MIPOL1: variants seen among roughly 807,000 people sequenced by gnomAD.
The protein encoded by MIPOL1 is mirror-image polydactyly 1.
MIPOL1 carries 57 observed loss-of-function variants against 60.9 expected under a neutral mutation model. That is an observed-to-expected ratio of 0.94 (90% confidence interval 0.76 to 1.17). The LOEUF is 1.17. Ranked by LOEUF, MIPOL1 falls within the 50% of genes most tolerant of loss-of-function variation. The pLI, the probability that MIPOL1 is intolerant of heterozygous loss-of-function variation, is 0.00. For synonymous variants in MIPOL1, 179 were observed against 168.8 expected (o/e 1.06, Z -0.47); for missense variants, 551 against 511.6 (o/e 1.08, Z -0.74).
At position 37,379,368 on chromosome 14, in the gene MIPOL1, A is replaced by G. The variant is rs566802714; in HGVS notation, c.936+9744A>G. On this transcript the variant is annotated intron_variant, in intron 10 of 12. Coordinates refer to ENST00000684589, the MANE Select transcript of MIPOL1 (RefSeq NM_001388067.1). The stretch of plus-strand genomic sequence containing the variant: ...GCTAAAACTATAAAACTCCTAGAAG[A>G]AAAAACATAACTGCAAATTTTTGCG... Among the ~76,000 whole-genome samples the G allele has an allele frequency of 1.1e-4, 17 of 152,206 alleles. No homozygotes were observed. In the East Asian group the frequency reaches 3.1e-3, roughly 28 times the overall value.
intron 9 of MIPOL1, among the ~76,000 whole-genome samples, chr14:37,357,467 A>C (rs1447813801): frequency 6.6e-6 from 1 of 152,140 alleles, no homozygotes; most frequent in African/African-American, 2.4e-5. Context: ...GTGAGACAAT[A>C]ATCTAATTGT....
intron 7 of MIPOL1, among the ~76,000 whole-genome samples, chr14:37,292,315 A>T (rs1236400466): frequency 1.3e-5 from 2 of 151,854 alleles, no homozygotes; most frequent in African/African-American, 2.4e-5. Flanking sequence ...TTTTATTATG[A>T]ACTAGTTTCT....
intron 12 of MIPOL1, among the ~76,000 whole-genome samples, chr14:37,511,948 A>G (rs1474807821): frequency 6.6e-6 from 1 of 152,214 alleles, no homozygotes. Context: ...GTAAGAAAAG[A>G]TGTATCAACT....
intron 9 of MIPOL1, among the ~76,000 whole-genome samples, chr14:37,340,781 G>A (rs1250352513): frequency 5.3e-5 from 8 of 151,958 alleles, no homozygotes; most frequent in South Asian, 4.2e-4. Flanking sequence ...TAGCCTAAGT[G>A]TACAATTTTT....
intron 11 of MIPOL1, among the ~76,000 whole-genome samples, chr14:37,445,112 G>A (rs1474260492): frequency 1.3e-5 from 2 of 152,054 alleles, no homozygotes; most frequent in East Asian, 3.9e-4. Flanking sequence ...AGGGTATTCA[G>A]TTAGGAAAAA....
intron 11 of MIPOL1, among the ~76,000 whole-genome samples, chr14:37,473,120 G>C (rs1298422994): frequency 6.6e-6 from 1 of 151,998 alleles, no homozygotes; most frequent in Non-Finnish European, 1.5e-5. Flanking sequence ...TGATCGACTT[G>C]GTGCCTTTCT....
At chr14:37,405,744 A>G (rs1326741443) in intron 10 of MIPOL1, among the ~76,000 whole-genome samples, 2 of 151,952 alleles carry the variant, frequency 1.3e-5, no homozygotes, top group Admixed American at 6.6e-5. Flanking sequence ...AGTCTTTCAT[A>G]TAGCCTTGAT....
intron 9 of MIPOL1, among the ~76,000 whole-genome samples, chr14:37,335,847 C>G (rs1252870338): frequency 6.6e-6 from 1 of 152,078 alleles, no homozygotes; most frequent in Non-Finnish European, 1.5e-5. Context: ...TTCTCCCATT[C>G]CATGAATTGT....
intron 11 of MIPOL1, among the ~76,000 whole-genome samples, chr14:37,456,046 G>A (rs1041230165): frequency 5.9e-5 from 9 of 151,860 alleles, no homozygotes; most frequent in African/African-American, 1.5e-4. Flanking sequence ...TGCTGACAGC[G>A]TTATTGTAGA....
chr14:37,357,133 A>G (rs548191597), intron 9 of MIPOL1, among the ~76,000 whole-genome samples: 1 of 152,248 alleles, frequency 6.6e-6, no homozygotes, highest in South Asian at 2.1e-4. Flanking sequence ...CAGTAGTGGG[A>G]TTGCTGGATC....
intron 3 of MIPOL1, among the ~76,000 whole-genome samples, chr14:37,251,474 T>C (rs547753864): frequency 1.3e-5 from 2 of 151,644 alleles, no homozygotes; most frequent in Non-Finnish European, 2.9e-5. Context: ...GCAAAAAATG[T>C]GTTACCATCT....
At chr14:37,245,546 T>C (rs1973071400) in intron 1 of MIPOL1, among the ~76,000 whole-genome samples, 1 of 152,132 alleles carries the variant, frequency 6.6e-6, no homozygotes, top group Admixed American at 6.6e-5. Flanking sequence ...ATTTTTATGG[T>C]TTGTGCTGGT....
intron 10 of MIPOL1, among the ~76,000 whole-genome samples, chr14:37,374,065 T>C (rs1024688267): frequency 6.6e-5 from 10 of 152,340 alleles, no homozygotes; most frequent in African/African-American, 1.4e-4. Context: ...GATTTTTTAA[T>C]GATCACCATT....
intron 7 of MIPOL1, among the ~76,000 whole-genome samples, chr14:37,296,432 T>G (rs1283596096): frequency 1.3e-4 from 20 of 151,948 alleles, no homozygotes; most frequent in Admixed American, 3.3e-4. Context: ...AAAGCTAGCA[T>G]AAGGCAAGAA....
chr14:37,502,436 A>G (rs576857376), intron 12 of MIPOL1: 1 of 152,312 alleles, frequency 6.6e-6, no homozygotes, highest in Non-Finnish European at 1.5e-5. Context: ...CTTCTGCAAT[A>G]TGTGCAGTTC....
intron 1 of MIPOL1, among the ~76,000 whole-genome samples, chr14:37,242,172 C>A (rs1481592300): frequency 6.6e-6 from 1 of 151,620 alleles, no homozygotes; most frequent in Non-Finnish European, 1.5e-5. Context: ...AGAAGTAATA[C>A]ATGCACCCAA....
chr14:37,259,305 C>T (rs549236347), intron 3 of MIPOL1, among the ~76,000 whole-genome samples: 2 of 152,150 alleles, frequency 1.3e-5, no homozygotes, highest in South Asian at 4.1e-4. Context: ...CCTATAATCC[C>T]AGCACTTTGG....
chr14:37,293,618 C>T (rs576298269), intron 7 of MIPOL1, among the ~76,000 whole-genome samples: 19 of 152,248 alleles, frequency 1.2e-4, no homozygotes, highest in South Asian at 1.0e-3. Context: ...CCTAATACTA[C>T]GCTTTTCCAA....
chr14:37,415,502 G>A lies in MIPOL1; in HGVS notation c.937-7353G>A, dbSNP rs536715108. ...AAATTAGCCAGGCGTGGTGGCGGGC[G>A]CCTGTAGTCCCAGCTACTCGGGAGG... On this transcript the variant is annotated intron_variant, in intron 10 of 12. Transcript: ENST00000684589. Among the ~76,000 whole-genome samples, 212 of 151,790 alleles carry A rather than the reference G, an allele frequency of 1.4e-3. 1 individual carries two copies. The highest frequency in any genetic ancestry group is 4.8e-3 in the African/African-American group (199 of 41,406).
Sources: gnomAD v4.1 joint callset for allele counts (sites outside exome capture counted in the v4.1 genomes callset) on GRCh38, gnomAD v4.1.1 for gene constraint, MANE v1.5 for transcripts, NCBI Gene and HGNC (gene_info 2026-07-23, HGNC 2026-07-21) for gene names.